BMP3: variants seen among roughly 807,000 people sequenced by gnomAD.
BMP3 encodes bone morphogenetic protein 3 (osteogenic).
A neutral mutation model predicts 38.1 loss-of-function variants in BMP3; 23 were observed. That is an observed-to-expected ratio of 0.60 (90% CI 0.43 to 0.86). The LOEUF is 0.86. Ranked by LOEUF, BMP3 falls within the 40% of genes least tolerant of loss-of-function variation. BMP3 has a pLI of 0.00. For synonymous variants in BMP3, 258 were observed against 225.7 expected (o/e 1.14, Z -1.28); for missense variants, 628 against 579.6 (o/e 1.08, Z -0.86).
chr4:81,041,226 T>C (rs558229065), intron 1 of BMP3, among the ~76,000 whole-genome samples: 255 of 152,326 alleles, frequency 1.7e-3, no homozygotes, highest in African/African-American at 5.9e-3. Flanking sequence ...TCTTATTTAC[T>C]TCTCTATATA....
intron 2 of BMP3, among the ~76,000 whole-genome samples, chr4:81,047,847 G>GTT (rs1740298603): frequency 6.6e-6 from 1 of 151,404 alleles, no homozygotes; most frequent in Non-Finnish European, 1.5e-5. Context: ...GGCTGAGGCA[G>GTT]GAGGATCACT....
chr4:81,057,539 T>C lies in BMP3; in HGVS notation c.*4003T>C, dbSNP rs1002374980. 2.0e-5 allele frequency: 3 copies of C among 152,130 alleles called. No individual in the cohort carries two copies. The highest frequency in any genetic ancestry group is 2.9e-5 in the Non-Finnish European group (2 of 67,970). The allele number at this position is 152,130 out of a possible 1,614,324, so 9.4% of individuals were successfully genotyped here. A position where few individuals can be genotyped will look rare whatever the true frequency, so the allele number is the denominator to read the frequency against. Reference sequence around the variant, plus strand: ...TAAAAATTGCTTCATTGACCATTCATTTTTACTTATTGGGAAATACTATAT... The same window carrying C: ...TAAAAATTGCTTCATTGACCATTCACTTTTACTTATTGGGAAATACTATAT... On this transcript the variant is annotated 3_prime_UTR_variant, in exon 3 of 3. Transcript: ENST00000282701.
rs373783961 is a variant in BMP3, at chr4:81,049,992, T to C, written c.1227+3344T>C. Reference sequence around the variant, plus strand: ...GAGTGTTCTATATGGCAGGGCTTTTTGTCTGCAAAAGTTGACAACCTGTTC... The same window carrying C: ...GAGTGTTCTATATGGCAGGGCTTTTCGTCTGCAAAAGTTGACAACCTGTTC... On this transcript the variant is annotated intron_variant, in intron 2 of 2. Transcript: ENST00000282701. Among the ~76,000 whole-genome samples, 46 of 152,340 alleles carry C rather than the reference T, an allele frequency of 3.0e-4. 1 individual carries two copies. In the South Asian group the frequency reaches 9.3e-3, roughly 31 times the overall value.
chr4:81,034,381 G>C (rs952687702), intron 1 of BMP3, among the ~76,000 whole-genome samples: 3 of 152,092 alleles, frequency 2.0e-5, no homozygotes, highest in Non-Finnish European at 4.4e-5. Context: ...AAGACAGAAG[G>C]ATATGAAATT....
intron 1 of BMP3, among the ~76,000 whole-genome samples, chr4:81,038,088 T>G (rs1739969917): frequency 6.6e-6 from 1 of 152,184 alleles, no homozygotes; most frequent in African/African-American, 2.4e-5. Context: ...TAGAATTGAT[T>G]ATCATGTTAT....
intron 1 of BMP3, among the ~76,000 whole-genome samples, chr4:81,043,465 C>T (rs1740141272): frequency 6.6e-6 from 1 of 152,076 alleles, no homozygotes; most frequent in African/African-American, 2.4e-5. Flanking sequence ...AAACAAGCTC[C>T]ACAACAGCAT....
chr4:81,046,546 C>T lies in BMP3; in HGVS notation c.1125C>T (p.Leu375=). 5.6e-6 allele frequency: 9 copies of T among 1,614,144 alleles called. No individual in the cohort carries two copies. Among genetic ancestry groups the T allele is most frequent in the Admixed American group, 1.7e-5 (1 of 60,002 alleles). The change falls in exon 2 of 3, where the codon CTC becomes CTT. Residue 375 remains leucine, a synonymous_variant. Coordinates refer to ENST00000282701, the MANE Select transcript of BMP3 (RefSeq NM_001201.5). The part of the protein sequence containing the change: ...IEPRNCARRY[L]KVDFADIGWS... ...CTCGGAATTGCGCCAGGAGATACCT[C>T]AAGGTAGACTTTGCAGATATTGGCT...
chr4:81,031,139 C>G lies in BMP3; in HGVS notation c.-146C>G, dbSNP rs1031791275. The G allele has an allele frequency of 2.3e-6, 2 of 853,040 alleles. No individual in the cohort carries two copies. Among genetic ancestry groups the G allele is most frequent in the Non-Finnish European group, 3.5e-6 (2 of 571,444 alleles). 52.8% of individuals were successfully genotyped at this position (853,040 alleles called of 1,614,324 possible). On this transcript the variant is annotated 5_prime_UTR_variant, in exon 1 of 3. Transcript: ENST00000282701. Reference sequence around the variant, plus strand: ...CAGCAAGTGGGGCTGGCCGCTATCTCGCTGCACCCGGCCGCGTCCCGGGCT... The same window carrying G: ...CAGCAAGTGGGGCTGGCCGCTATCTGGCTGCACCCGGCCGCGTCCCGGGCT...
At chr4:81,036,496 T>G (rs1411929420) in intron 1 of BMP3, among the ~76,000 whole-genome samples, 1 of 152,070 alleles carries the variant, frequency 6.6e-6, no homozygotes, top group Non-Finnish European at 1.5e-5. Context: ...TATGCTAAAT[T>G]TGTATATACT....
intron 1 of BMP3, among the ~76,000 whole-genome samples, chr4:81,043,958 TAAC>T (rs1471834063): frequency 6.6e-6 from 1 of 152,198 alleles, no homozygotes; most frequent in African/African-American, 2.4e-5. Context: ...CCAGAACTAA[TAAC>T]AATAATAATT....
chr4:81,045,804 T>A lies in BMP3; in HGVS notation c.383T>A (p.Leu128Ter). Reference sequence around the variant, plus strand: ...TCGCTAACCAAGTCTGAAAACATTTTGTCTGCCACACTGTATTTCTGTATT... The same window carrying A: ...TCGCTAACCAAGTCTGAAAACATTTAGTCTGCCACACTGTATTTCTGTATT... ...LTSLTKSENI[L>*]SATLYFCIGE... is the part of the protein sequence containing the mutation. The change falls in exon 2 of 3, where the codon TTG (leucine) becomes TAG (stop). Residue 128 changes from leucine to a stop codon, truncating the protein, a stop_gained. Transcript: ENST00000282701. LOFTEE classifies it high-confidence loss of function. 1 of 1,613,792 alleles carries A rather than the reference T, an allele frequency of 6.2e-7. No individual in the cohort carries two copies. Among genetic ancestry groups the A allele is most frequent in the Non-Finnish European group, 8.5e-7 (1 of 1,179,898 alleles).
intron 1 of BMP3, among the ~76,000 whole-genome samples, chr4:81,039,106 T>C (rs1739999600): frequency 6.6e-6 from 1 of 152,310 alleles, no homozygotes; most frequent in Admixed American, 6.5e-5. Context: ...TGCCTGTGCC[T>C]GAAAGTTAAA....
chr4:81,037,982 A>G (rs1045525934), intron 1 of BMP3, among the ~76,000 whole-genome samples: 7 of 152,122 alleles, frequency 4.6e-5, no homozygotes, highest in South Asian at 2.1e-4. Flanking sequence ...TTAAAAAGCC[A>G]TCTACAAGAT....
At position 81,046,441 on chromosome 4, in the gene BMP3, G is replaced by A. The variant is rs768796333; in HGVS notation, c.1020G>A (p.Lys340=). The A allele has an allele frequency of 3.7e-6, 6 of 1,613,848 alleles. No homozygotes were observed. Among genetic ancestry groups the A allele is most frequent in the Non-Finnish European group, 5.1e-6 (6 of 1,179,946 alleles). The change falls in exon 2 of 3, where the codon AAG becomes AAA. Residue 340 remains lysine (K), a synonymous_variant. Transcript: ENST00000282701. ...EKSKNKKKQR[K]GPHRKSQTLQ... The stretch of plus-strand genomic sequence containing the variant: ...GTAAGAATAAAAAGAAACAGAGAAA[G>A]GGGCCTCATCGGAAGAGCCAGACGC...
rs1740243380 is a variant in BMP3 at position 81,046,330 on chromosome 4, T to A, written c.909T>A (p.Pro303=). The change falls in exon 2 of 3, where the codon CCT becomes CCA. Residue 303 remains proline (P), a synonymous_variant. Coordinates refer to ENST00000282701, the MANE Select transcript of BMP3 (RefSeq NM_001201.5). ...TGCCTCTGCAGAACAACGAGCTTCC[T>A]GGGGCAGAATACCAGTATAAAAAGG... ...VLLPLQNNEL[P]GAEYQYKKDE... 6.2e-7 allele frequency: 1 copy of A among 1,613,928 alleles called. No homozygotes were observed. The highest frequency in any genetic ancestry group is 8.5e-7 in the Non-Finnish European group (1 of 1,179,986).
In BMP3 at chr4:81,054,520, A is replaced by G. The variant is rs1495637; in HGVS notation, c.*984A>G. 94,256 of 152,152 alleles carry G rather than the reference A, an allele frequency of 0.62. 34,081 individuals carry two copies. Among genetic ancestry groups the G allele is most frequent in the East Asian group, 0.81 (4,195 of 5,178 alleles). The allele number at this position is 152,152 out of a possible 1,614,324, so 9.4% of individuals were successfully genotyped here. On this transcript the variant is annotated 3_prime_UTR_variant, in exon 3 of 3. Coordinates refer to ENST00000282701, the MANE Select transcript of BMP3 (RefSeq NM_001201.5). ...AGTTATTGGTAGATGTTGAGGCCCAAAAACTGGTAGAATATTGAAGATCTT... is the reference window on the plus strand; with the variant it reads ...AGTTATTGGTAGATGTTGAGGCCCAGAAACTGGTAGAATATTGAAGATCTT...
intron 2 of BMP3, among the ~76,000 whole-genome samples, chr4:81,052,614 CACA>C (rs1484216040): frequency 6.6e-6 from 1 of 152,124 alleles, no homozygotes; most frequent in Non-Finnish European, 1.5e-5. Context: ...ACTCTTAGAA[CACA>C]ACTCCATGCC....
intron 2 of BMP3, among the ~76,000 whole-genome samples, chr4:81,051,117 C>A (rs1203444511): frequency 2.0e-5 from 3 of 152,010 alleles, no homozygotes; most frequent in African/African-American, 7.2e-5. Flanking sequence ...CCAGTGAGCC[C>A]ACTAGAGACT....
At chr4:81,050,412 A>G (rs949793468) in intron 2 of BMP3, among the ~76,000 whole-genome samples, 1 of 152,166 alleles carries the variant, frequency 6.6e-6, no homozygotes, top group Non-Finnish European at 1.5e-5. Context: ...CAAGTTCTAT[A>G]CCTTTGCCTC....
Sources: allele counts gnomAD v4.1 joint callset (sites outside exome capture counted in the v4.1 genomes callset), GRCh38; gene constraint gnomAD v4.1.1; transcripts MANE v1.5; gene names NCBI Gene and HGNC (gene_info 2026-07-23, HGNC 2026-07-21).